The following USP34 variants were observed in gnomAD, a reference collection of about 807,000 sequenced individuals.
USP34 encodes the protein ubiquitin carboxyl-terminal hydrolase 34.
USP34 carries 70 observed loss-of-function variants against 460.3 expected under a neutral mutation model. The observed-to-expected ratio is 0.15, with a 90% confidence interval of 0.13 to 0.19. USP34 has a LOEUF of 0.19. Among genes scored for constraint, USP34 ranks in the 10% least tolerant of loss-of-function variants. The pLI is 1.00. For missense variants in USP34, 3,985 were observed against 4,236.2 expected (o/e 0.94, Z 1.65); for synonymous variants, 1,647 against 1,405.3 (o/e 1.17, Z -3.85).
At chr2:61,256,606 A>G in intron 47 of USP34, 128 bp from the exon 48 acceptor site, 3 of 711,172 alleles carry the variant, frequency 4.2e-6, no homozygotes, top group Non-Finnish European at 6.6e-6. Flanking sequence ...TGAATTCTTA[A>G]ATTTTAGTAA....
intron 66 of USP34, among the ~76,000 whole-genome samples, chr2:61,221,117 G>C (rs112654882): frequency 5.2e-4 from 79 of 152,292 alleles, no homozygotes; most frequent in African/African-American, 1.9e-3. Flanking sequence ...CCCTGGTCTT[G>C]AGCTTTTCCA....
intron 1 of USP34, among the ~76,000 whole-genome samples, chr2:61,433,074 A>C (rs940155169): frequency 4.1e-4 from 62 of 152,232 alleles, no homozygotes; most frequent in African/African-American, 1.3e-3. Context: ...ACACACAAGA[A>C]AGGACAAAGG....
At chr2:61,282,962 TAGTC>T (rs1689579638) in intron 37 of USP34, among the ~76,000 whole-genome samples, 179 bp downstream of exon 37, 1 of 152,176 alleles carries the variant, frequency 6.6e-6, no homozygotes, top group Admixed American at 6.5e-5. Flanking sequence ...TAATATATAA[TAGTC>T]AGAAGTTCTT....
intron 2 of USP34, among the ~76,000 whole-genome samples, chr2:61,412,508 T>C (rs756237081): frequency 6.6e-6 from 1 of 151,830 alleles, no homozygotes; most frequent in Non-Finnish European, 1.5e-5. Context: ...AAAAACCAAT[T>C]AAAATTATAG....
At chr2:61,406,240 T>C (rs1693866388) in intron 2 of USP34, 112 bp from the exon 3 acceptor site, 2 of 1,000,126 alleles carry the variant, frequency 2.0e-6, no homozygotes, top group Non-Finnish European at 2.8e-6. Context: ...TTGTTTTTAT[T>C]TTTTCCTTCC....
At chr2:61,367,291 T>C (rs1018988938) in intron 10 of USP34, among the ~76,000 whole-genome samples, 3 of 152,108 alleles carry the variant, frequency 2.0e-5, no homozygotes, top group Non-Finnish European at 4.4e-5. Flanking sequence ...TAAATATGTT[T>C]AGAAGCACGA....
At chr2:61,253,367 T>TATATTCCTC (rs1491235639) in intron 48 of USP34, among the ~76,000 whole-genome samples, 1 of 152,198 alleles carries the variant, frequency 6.6e-6, no homozygotes, top group Non-Finnish European at 1.5e-5. Flanking sequence ...ACTCATTTAT[T>TATATTCCTC]ATATTCCTCT....
chr2:61,394,439 T>C (rs1693452000), intron 5 of USP34, among the ~76,000 whole-genome samples: 1 of 149,280 alleles, frequency 6.7e-6, no homozygotes, highest in Admixed American at 6.8e-5. Flanking sequence ...TGCACACCTC[T>C]AGTCCCAGCT....
intron 69 of USP34, 56 bp from the exon 70 acceptor site, chr2:61,209,033 G>A: frequency 1.8e-6 from 2 of 1,085,642 alleles, no homozygotes; most frequent in Non-Finnish European, 2.6e-6. Flanking sequence ...ACAACACTTA[G>A]GTGATGAAAA....
chr2:61,251,362 C>T (rs4672428), intron 48 of USP34, among the ~76,000 whole-genome samples: 31,804 of 151,910 alleles, frequency 0.21, 3,465 homozygotes, highest in East Asian at 0.34. Context: ...AGAGTTTGTT[C>T]AAAATAAATA....
intron 43 of USP34, among the ~76,000 whole-genome samples, chr2:61,262,107 AAAAAAAAAAATAT>A (rs1172239959): frequency 8.0e-4 from 70 of 87,840 alleles, no homozygotes; most frequent in African/African-American, 2.8e-3. Context: ...AAAAAAAAAA[AAAAAAAAAAATAT>A]ATATATATAT....
intron 10 of USP34, among the ~76,000 whole-genome samples, chr2:61,351,974 C>T (rs1403978582): frequency 6.6e-6 from 1 of 152,088 alleles, no homozygotes; most frequent in African/African-American, 2.4e-5. Flanking sequence ...AATAACATTA[C>T]AGATTAAAAT....
intron 53 of USP34, among the ~76,000 whole-genome samples, chr2:61,237,273 T>C (rs1486987922): frequency 6.6e-6 from 1 of 152,074 alleles, no homozygotes; most frequent in African/African-American, 2.4e-5. Context: ...TCTGCCCATC[T>C]CATTCAGTAC....
At chr2:61,314,494 C>T in intron 25 of USP34, 91 bp downstream of exon 25, 1 of 1,227,228 alleles carries the variant, frequency 8.1e-7, no homozygotes, top group South Asian at 2.7e-5. Context: ...TTGACCCCAA[C>T]AAAAACTTTA....
At chr2:61,278,322 G>C (rs1279302945) in intron 40 of USP34, 37 bp from the exon 41 acceptor site, 2 of 1,610,164 alleles carry the variant, frequency 1.2e-6, no homozygotes, top group East Asian at 2.2e-5. Context: ...AAGCAAGATA[G>C]TTCACATAAT....
intron 27 of USP34, among the ~76,000 whole-genome samples, chr2:61,307,146 T>C (rs1690435067): frequency 6.6e-6 from 1 of 151,964 alleles, no homozygotes; most frequent in South Asian, 2.1e-4. Flanking sequence ...TAAAAAAGGA[T>C]GAGTCCATGT....
intron 27 of USP34, among the ~76,000 whole-genome samples, chr2:61,307,657 T>A (rs1351357108): frequency 6.6e-6 from 1 of 151,946 alleles, no homozygotes; most frequent in African/African-American, 2.4e-5. Flanking sequence ...AAAATAAACA[T>A]TTTTAGAGAA....
chr2:61,236,260 A>G, intron 54 of USP34, 24 bp from the exon 55 acceptor site: 1 of 1,600,462 alleles, frequency 6.2e-7, no homozygotes, highest in Non-Finnish European at 8.5e-7. Flanking sequence ...ATAATCATTT[A>G]AAATTCACAC....
chr2:61,188,536 C>G lies in USP34; in HGVS notation c.10207G>C (p.Asp3403His), dbSNP rs370259236. ...SSIIDPGTEQDLPSPENSSVK... is the reference protein window; with the variant it reads ...SSIIDPGTEQHLPSPENSSVK... ...GAACTATTTTCAGGGGAAGGAAGAT[C>G]TTGCTCAGTTCCTGGATCAATAATT... is the stretch of plus-strand genomic sequence containing the variant. Residue 3403 changes from aspartate to histidine, a missense_variant, in exon 80 of 80, where the codon GAT becomes CAT. Coordinates refer to ENST00000398571, the MANE Select transcript of USP34 (RefSeq NM_014709.4). The G allele has an allele frequency of 1.9e-5, 30 of 1,614,076 alleles. No homozygotes were observed. The highest frequency in any genetic ancestry group is 2.5e-5 in the Non-Finnish European group (29 of 1,180,050).
Sources: gnomAD v4.1 joint callset for allele counts (sites outside exome capture counted in the v4.1 genomes callset) on GRCh38, gnomAD v4.1.1 for gene constraint, MANE v1.5 for transcripts, NCBI Gene and HGNC (gene_info 2026-07-23, HGNC 2026-07-21) for gene names.